The following NXNL2 variants were observed in gnomAD, a reference collection of about 807,000 sequenced individuals.
The protein encoded by NXNL2 is nucleoredoxin like 2, also known as nucleoredoxin-like protein 2.
NXNL2 carries 7 observed loss-of-function variants against 11.1 expected under a neutral mutation model. The ratio of observed to expected loss-of-function variants is 0.63; its 90% confidence interval spans 0.36 to 1.18. NXNL2 has a LOEUF of 1.18. Ranked by LOEUF, NXNL2 falls within the 50% of genes most tolerant of loss-of-function variation. NXNL2 has a pLI of 0.02. For missense variants in NXNL2, 233 were observed against 217.7 expected (o/e 1.07, Z -0.44); for synonymous variants, 109 against 101.8 (o/e 1.07, Z -0.42).
rs375548823 is a variant in NXNL2, at chr9:88,558,755, A to G, written c.303-12332A>G. Among the ~76,000 whole-genome samples, 296 of 152,234 alleles carry G rather than the reference A, an allele frequency of 1.9e-3. 2 individuals are homozygous for G. The highest frequency in any genetic ancestry group is 6.7e-3 in the African/African-American group (279 of 41,538). On this transcript the variant is annotated intron_variant, in intron 1 of 2. Transcript: ENST00000375855. ...CTGGTGTCCACTGGAGAACTGGTTGATGTGTAGGGAAAACCCCCACACATC... is the reference window on the plus strand; with the variant it reads ...CTGGTGTCCACTGGAGAACTGGTTGGTGTGTAGGGAAAACCCCCACACATC...
At chr9:88,573,755 C>A (rs992800911) in intron 2 of NXNL2, among the ~76,000 whole-genome samples, 1 of 152,128 alleles carries the variant, frequency 6.6e-6, no homozygotes. Context: ...CTGAACTGTA[C>A]ACTAAAATGG....
chr9:88,578,749 G>A (rs1181293704), downstream of NXNL2, among the ~76,000 whole-genome samples: 2 of 152,226 alleles, frequency 1.3e-5, no homozygotes, highest in Non-Finnish European at 2.9e-5. Context: ...TAGGGCACAG[G>A]AACTGGTGGA....
chr9:88,581,673 C>G (rs1183039125), intron 1 of NXNL2, among the ~76,000 whole-genome samples: 1 of 152,162 alleles, frequency 6.6e-6, no homozygotes, highest in Non-Finnish European at 1.5e-5. Flanking sequence ...TCAGGCTGGT[C>G]TCAAACACCC....
At chr9:88,552,473 GTTTT>G (rs59133640) in intron 1 of NXNL2, among the ~76,000 whole-genome samples, 22 of 131,566 alleles carry the variant, frequency 1.7e-4, no homozygotes, top group African/African-American at 5.3e-4. Flanking sequence ...AAACATGCAT[GTTTT>G]TTTTTTTTTT....
chr9:88,566,995 T>TCTAC (rs1554706803), intron 1 of NXNL2, among the ~76,000 whole-genome samples: 152 of 150,396 alleles, frequency 1.0e-3, no homozygotes, highest in African/African-American at 3.0e-3. Context: ...TATCTATCTA[T>TCTAC]CTATCTATCT....
chr9:88,561,020 G>T (rs1292698015), intron 1 of NXNL2, among the ~76,000 whole-genome samples: 1 of 152,220 alleles, frequency 6.6e-6, no homozygotes, highest in Non-Finnish European at 1.5e-5. Flanking sequence ...CATGGGGTGT[G>T]ATGGTTAATA....
chr9:88,544,510 T>C lies in NXNL2; in HGVS notation c.434T>C (p.Val145Ala). ...GGGTTGGCCTGCTTCCAGGACTGGG[T>C]GGAGGCGGCCGATATCTTCCAGAAT... is the stretch of plus-strand genomic sequence containing the variant. ...ERGLACFQDW[V>A]EAADIFQNFS... The change falls in exon 2 of 2, where the codon GTG becomes GCG. Residue 145 changes from valine to alanine, a missense_variant. Coordinates refer to ENST00000375854, the MANE Select transcript of NXNL2 (RefSeq NM_001161625.2). 1 of 1,549,540 alleles carries C rather than the reference T, an allele frequency of 6.5e-7. No individual in the cohort carries two copies.
chr9:88,569,099 T>C (rs1296641061), intron 1 of NXNL2, among the ~76,000 whole-genome samples: 1 of 152,132 alleles, frequency 6.6e-6, no homozygotes, highest in African/African-American at 2.4e-5. Context: ...GATAATTTTT[T>C]TGTATTTTTT....
rs984437474 is a variant in NXNL2 at position 88,566,877 on chromosome 9, ATCTT to A, written c.303-4206_303-4203del. ...TGCTATTGAAAATGGTATATTATCTATCTTTCTATCTAGCCTATTATCTATCTAT... is the reference window on the plus strand; with the variant it reads ...TGCTATTGAAAATGGTATATTATCTATCTATCTAGCCTATTATCTATCTAT... On this transcript the variant is annotated intron_variant, in intron 1 of 2. Coordinates refer to the NXNL2 transcript ENST00000375855. Among the ~76,000 whole-genome samples, 5 of 151,998 alleles carry A rather than the reference ATCTT, an allele frequency of 3.3e-5. No individual in the cohort carries two copies. The South Asian group carries it at 8.3e-4, about 25-fold the overall frequency.
downstream of NXNL2, among the ~76,000 whole-genome samples, chr9:88,576,346 G>A (rs941093819): frequency 3.3e-5 from 5 of 152,218 alleles, no homozygotes; most frequent in South Asian, 8.3e-4. Context: ...GGTTCAACAG[G>A]TGGCTGCTTC....
intron 1 of NXNL2, chr9:88,539,889 T>C (rs975802555): frequency 6.6e-6 from 1 of 152,096 alleles, no homozygotes; most frequent in African/African-American, 2.4e-5. Context: ...GGTTTCGCCA[T>C]GTGAACAGGT....
chr9:88,566,554 C>T (rs1830173523), intron 1 of NXNL2, among the ~76,000 whole-genome samples: 1 of 152,104 alleles, frequency 6.6e-6, no homozygotes, highest in Non-Finnish European at 1.5e-5. Context: ...CCACCCAGCT[C>T]GGCCTCCGAA....
chr9:88,576,456 C>T (rs557647121), downstream of NXNL2, among the ~76,000 whole-genome samples: 9 of 152,292 alleles, frequency 5.9e-5, no homozygotes, highest in African/African-American at 2.2e-4. Context: ...TTGAATTCTC[C>T]CCGTGCAGGG....
downstream of NXNL2, among the ~76,000 whole-genome samples, chr9:88,577,164 C>A (rs1175320817): frequency 6.6e-6 from 1 of 152,104 alleles, no homozygotes; most frequent in Non-Finnish European, 1.5e-5. Context: ...TGTCAGAGCC[C>A]CAGACAAGTG....
chr9:88,576,101 A>C (rs879289017), downstream of NXNL2, among the ~76,000 whole-genome samples: 4 of 152,234 alleles, frequency 2.6e-5, no homozygotes, highest in Non-Finnish European at 5.9e-5. Context: ...AGGCTGAAGC[A>C]GGAGAATTGC....
At chr9:88,538,071 C>T (rs1279885456) in intron 1 of NXNL2, among the ~76,000 whole-genome samples, 3 of 152,192 alleles carry the variant, frequency 2.0e-5, no homozygotes, top group Non-Finnish European at 4.4e-5. Flanking sequence ...TTCTCTCCTC[C>T]AAAAGCAAGT....
chr9:88,560,090 T>A (rs1347880217), intron 1 of NXNL2, among the ~76,000 whole-genome samples: 1 of 152,108 alleles, frequency 6.6e-6, no homozygotes, highest in Non-Finnish European at 1.5e-5. Context: ...CTGTCTTTTA[T>A]CATCAGGAAC....
At chr9:88,544,304 C>A in intron 1 of NXNL2, 75 bp from the exon 2 acceptor site, 2 of 1,364,840 alleles carry the variant, frequency 1.5e-6, no homozygotes, top group Non-Finnish European at 1.0e-6. Context: ...GTACCTCAGG[C>A]TGGAGGGAGG....
intron 1 of NXNL2, among the ~76,000 whole-genome samples, chr9:88,543,564 C>A (rs1829802942): frequency 6.6e-6 from 1 of 152,176 alleles, no homozygotes; most frequent in South Asian, 2.1e-4. Flanking sequence ...CCACACCTGG[C>A]TGGAATTTTA....
Sources: gnomAD v4.1 joint callset for allele counts (sites outside exome capture counted in the v4.1 genomes callset) on GRCh38, gnomAD v4.1.1 for gene constraint, MANE v1.5 for transcripts, NCBI Gene and HGNC (gene_info 2026-07-23, HGNC 2026-07-21) for gene names.